The following SNAPC3 variants were observed in gnomAD, a reference collection of about 807,000 sequenced individuals.
SNAPC3 encodes snRNA-activating protein complex subunit 3.
In SNAPC3, 56 loss-of-function variants were observed where a neutral mutation model predicts 47.7. The observed-to-expected ratio is 1.18, with a 90% CI of 0.95 to 1.47. The LOEUF (loss-of-function observed/expected upper bound fraction) is 1.47. Ranked by LOEUF, SNAPC3 falls within the 40% of genes most tolerant of loss-of-function variation. The pLI, the probability that SNAPC3 is intolerant of heterozygous loss-of-function variation, is 0.00. For missense variants in SNAPC3, 665 were observed against 511.3 expected (o/e 1.30, Z -2.90); for synonymous variants, 235 against 189.9 (o/e 1.24, Z -1.95).
At chr9:15,451,202 C>G in intron 5 of SNAPC3, 118 bp from the exon 6 acceptor site, 1 of 307,778 alleles carries the variant, frequency 3.2e-6, no homozygotes, top group Non-Finnish European at 5.4e-6. Flanking sequence ...AAAATAGTAG[C>G]AGTTTTTTAA....
downstream of SNAPC3, chr9:15,465,480 C>T (rs780318002): frequency 6.8e-7 from 1 of 1,467,082 alleles, no homozygotes; most frequent in East Asian, 2.3e-5. Context: ...AAAACCATTA[C>T]AAACTTCTCA....
In SNAPC3 at chr9:15,448,965, C is replaced by T. The variant is rs1420727106; in HGVS notation, c.732+1721C>T. ...GCTGGGATTACAGGTGGCCCCACTG[C>T]GCCCAGTTAATTTTTGTATTTTTTA... On this transcript the variant is annotated intron_variant, in intron 5 of 8. Transcript: ENST00000380821. Among the ~76,000 whole-genome samples the T allele has an allele frequency of 3.3e-5, 5 of 152,038 alleles. No homozygotes were observed. The South Asian group carries it at 8.3e-4, about 25-fold the overall frequency.
chr9:15,435,779 C>G (rs2032724786), intron 3 of SNAPC3, among the ~76,000 whole-genome samples: 2 of 150,146 alleles, frequency 1.3e-5, no homozygotes, highest in South Asian at 4.2e-4. Flanking sequence ...TAGACCCTTA[C>G]CATATAAGTA....
chr9:15,454,827 G>A (rs1025754309), intron 7 of SNAPC3, among the ~76,000 whole-genome samples: 3 of 152,280 alleles, frequency 2.0e-5, no homozygotes, highest in Admixed American at 1.3e-4. Flanking sequence ...CTAGCTACTC[G>A]GGAGGCTGAG....
Position 15,453,078 on chromosome 9 carries a change from T to C in SNAPC3, c.853T>C (p.Tyr285His), listed in dbSNP as rs766830567. ...GTGGTCAGAGTCCCATGATAGAGGC[T>C]ATGGAAAGTTTCAGACTGCTAGAAT... ...IEWSESHDRG[Y>H]GKFQTARMED... Residue 285 changes from tyrosine to histidine, a missense_variant, in exon 7 of 9, where the codon TAT (tyrosine) becomes CAT (histidine). Physicochemically the swap from Tyr to His is moderately conservative, Grantham distance 83 (BLOSUM62 2). Transcript: ENST00000380821. 2 of 1,613,804 alleles carry C rather than the reference T, an allele frequency of 1.2e-6. No homozygotes were observed. The highest frequency in any genetic ancestry group is 1.3e-5 in the African/African-American group (1 of 75,048).
chr9:15,423,627 T>C (rs1392648013), intron 1 of SNAPC3, among the ~76,000 whole-genome samples: 2 of 152,194 alleles, frequency 1.3e-5, no homozygotes, highest in Non-Finnish European at 2.9e-5. Flanking sequence ...TTCCGGGTAT[T>C]CTGTTACTGA....
chr9:15,451,375 G>C lies in SNAPC3; in HGVS notation c.788G>C (p.Arg263Thr). ...GAAGGAACATTTTATAATGATAAAA[G>C]ATACCCAGAATGCAGAGATTTGAGC... ...YFEGTFYNDK[R>T]YPECRDLSRT... is the part of the protein sequence containing the mutation. Residue 263 changes from arginine (R) to threonine (T), a missense_variant, in exon 6 of 9, where the codon AGA becomes ACA. Transcript: ENST00000380821. 6.5e-7 allele frequency: 1 copy of C among 1,548,108 alleles called. No homozygotes were observed. The highest frequency in any genetic ancestry group is 1.2e-5 in the South Asian group (1 of 83,248).
At chr9:15,447,356 T>G (rs1323329050) in intron 5 of SNAPC3, 112 bp downstream of exon 5, 1 of 787,570 alleles carries the variant, frequency 1.3e-6, no homozygotes, top group Non-Finnish European at 1.9e-6. Context: ...CCTGCGGGAT[T>G]CCATCAAACT....
chr9:15,449,139 ATCT>A (rs1386473155), intron 5 of SNAPC3, among the ~76,000 whole-genome samples: 2 of 152,104 alleles, frequency 1.3e-5, no homozygotes, highest in Non-Finnish European at 2.9e-5. Flanking sequence ...AGCGGTGGCA[ATCT>A]TCTGCAAAGT....
intron 3 of SNAPC3, among the ~76,000 whole-genome samples, chr9:15,443,728 G>T (rs918731630): frequency 2.0e-5 from 3 of 152,144 alleles, no homozygotes; most frequent in South Asian, 4.2e-4. Context: ...AAAATCCTCA[G>T]TTCTTAGAGA....
At chr9:15,452,652 C>T (rs544253628) in intron 6 of SNAPC3, among the ~76,000 whole-genome samples, 1 of 152,080 alleles carries the variant, frequency 6.6e-6, no homozygotes, top group African/African-American at 2.4e-5. Flanking sequence ...ATTGAAGACC[C>T]CAATGAGCTA....
chr9:15,444,682 C>T lies in SNAPC3; in HGVS notation c.558C>T (p.Ile186=), dbSNP rs1357968871. 1.2e-6 allele frequency: 2 copies of T among 1,600,446 alleles called. No homozygotes were observed. The highest frequency in any genetic ancestry group is 1.1e-5 in the South Asian group (1 of 90,560). The part of the protein sequence containing the change: ...EEGELILSVN[I]LYPVIFHKHK... ...GGGAGCTTATCCTATCTGTGAATATCTTGTACCCTGTTATATTTCATAAGG... is the reference window on the plus strand; with the variant it reads ...GGGAGCTTATCCTATCTGTGAATATTTTGTACCCTGTTATATTTCATAAGG... The change falls in exon 4 of 9, where the codon ATC becomes ATT. Residue 186 remains isoleucine, a synonymous_variant. Coordinates refer to ENST00000380821, the MANE Select transcript of SNAPC3 (RefSeq NM_001039697.2).
intron 5 of SNAPC3, among the ~76,000 whole-genome samples, chr9:15,449,365 C>G (rs1366042732): frequency 6.6e-6 from 1 of 151,836 alleles, no homozygotes; most frequent in East Asian, 1.9e-4. Flanking sequence ...GGCAACAACT[C>G]ACTGTGTTGC....
chr9:15,442,539 C>T lies in SNAPC3; in HGVS notation c.478-2063C>T, dbSNP rs1322898671. Among the ~76,000 whole-genome samples, 5 of 151,688 alleles carry T rather than the reference C, an allele frequency of 3.3e-5. No homozygotes were observed. The East Asian group carries it at 7.9e-4, about 24-fold the overall frequency. On this transcript the variant is annotated intron_variant, in intron 3 of 8. Coordinates refer to ENST00000380821, the MANE Select transcript of SNAPC3 (RefSeq NM_001039697.2). Reference sequence around the variant, plus strand: ...GCTCCTCACCTCCCAGATCGGGTGGCGGCCGGGCAGAGGCGCTCCTCACAT... The same window carrying T: ...GCTCCTCACCTCCCAGATCGGGTGGTGGCCGGGCAGAGGCGCTCCTCACAT...
downstream of SNAPC3, chr9:15,462,453 A>T (rs900544969): frequency 5.3e-5 from 8 of 152,186 alleles, no homozygotes; most frequent in African/African-American, 1.9e-4. Context: ...AAAACCCCTG[A>T]TTTAAGACAG....
intron 7 of SNAPC3, among the ~76,000 whole-genome samples, chr9:15,456,094 G>A (rs1354200123): frequency 6.6e-6 from 1 of 152,060 alleles, no homozygotes. Context: ...GGCTGGTCTC[G>A]AACTCCCGAC....
intron 5 of SNAPC3, among the ~76,000 whole-genome samples, chr9:15,449,628 T>G (rs1359988965): frequency 7.4e-6 from 1 of 135,646 alleles, no homozygotes; most frequent in Non-Finnish European, 1.5e-5. Flanking sequence ...TGGAGTGCAA[T>G]GGCACCGTCT....
intron 2 of SNAPC3, among the ~76,000 whole-genome samples, chr9:15,424,386 G>T (rs797010055): frequency 3.3e-5 from 5 of 152,188 alleles, no homozygotes; most frequent in African/African-American, 1.2e-4. Context: ...AATCTACTTA[G>T]ATCTGGGGGG....
Position 15,453,098 on chromosome 9 carries a change from T to A in SNAPC3, c.873T>A (p.Ala291=), listed in dbSNP as rs150161706. Residue 291 remains alanine, a synonymous_variant, in exon 7 of 9, where the codon GCT becomes GCA. Transcript: ENST00000380821. ...HDRGYGKFQT[A]RMEDFTFNDL... ...GAGGCTATGGAAAGTTTCAGACTGCTAGAATGGAAGATTTCACCTTCAATG... is the reference window on the plus strand; with the variant it reads ...GAGGCTATGGAAAGTTTCAGACTGCAAGAATGGAAGATTTCACCTTCAATG... 3.1e-5 allele frequency: 50 copies of A among 1,613,358 alleles called. No homozygotes were observed. In the African/African-American group the frequency reaches 6.1e-4, roughly 20 times the overall value.
Sources: gnomAD v4.1 joint callset for allele counts (sites outside exome capture counted in the v4.1 genomes callset) on GRCh38, gnomAD v4.1.1 for gene constraint, MANE v1.5 for transcripts, NCBI Gene and HGNC (gene_info 2026-07-23, HGNC 2026-07-21) for gene names.